ADAMTSL1: variants seen among roughly 807,000 people sequenced by gnomAD.
ADAMTSL1 encodes the protein ADAMTS like 1.
ADAMTSL1 carries 126 observed loss-of-function variants against 201.8 expected under a neutral mutation model. That is an observed-to-expected ratio of 0.62 (90% confidence interval 0.54 to 0.72). ADAMTSL1 has a LOEUF of 0.72. Ranked by LOEUF, ADAMTSL1 falls within the 30% of genes least tolerant of loss-of-function variation. The pLI is 0.00. For missense variants in ADAMTSL1, 2,679 were observed against 2,277.8 expected, an observed-to-expected ratio of 1.18 and a Z score of -3.59; for synonymous variants, 1,121 against 903.4, an observed-to-expected ratio of 1.24 and a Z score of -4.32.
intron 5 of ADAMTSL1, among the ~76,000 whole-genome samples, chr9:18,624,600 C>G (rs934492127): frequency 1.3e-5 from 2 of 152,074 alleles, no homozygotes; most frequent in African/African-American, 4.8e-5. Flanking sequence ...GGTAAAGGTG[C>G]TTCTTTATTC....
intron 2 of ADAMTSL1, among the ~76,000 whole-genome samples, chr9:18,348,917 T>G (rs537370376): frequency 6.6e-6 from 1 of 152,214 alleles, no homozygotes; most frequent in Non-Finnish European, 1.5e-5. Flanking sequence ...TGAACGTGTA[T>G]TGCCAGTCAT....
intron 2 of ADAMTSL1, among the ~76,000 whole-genome samples, chr9:18,300,288 AG>A (rs747642099): frequency 1.3e-5 from 2 of 152,238 alleles, no homozygotes; most frequent in Non-Finnish European, 1.5e-5. Flanking sequence ...GCCATAAAAA[AG>A]GATGAGTTTA....
At chr9:18,252,559 A>G (rs1831505583) in intron 2 of ADAMTSL1, among the ~76,000 whole-genome samples, 1 of 152,196 alleles carries the variant, frequency 6.6e-6, no homozygotes, top group Non-Finnish European at 1.5e-5. Flanking sequence ...AACAATTGTT[A>G]TACTATTGTT....
intron 1 of ADAMTSL1, among the ~76,000 whole-genome samples, chr9:17,925,091 A>C (rs1404875409): frequency 2.3e-5 from 2 of 86,306 alleles, no homozygotes; most frequent in African/African-American, 3.9e-5. Context: ...GCAGCCAAAA[A>C]ACACATGAAA....
In ADAMTSL1 at chr9:18,665,636, T is replaced by C. The variant is rs528030807; in HGVS notation, c.1085+3563T>C. On this transcript the variant is annotated intron_variant, in intron 9 of 28. Transcript: ENST00000380548. ...TCTACACATCTGTCTATTTTTTGGT[T>C]CTCATTCTCTTTTCCTTTTGTTCCC... 4.3e-4 allele frequency among the ~76,000 whole-genome samples: 65 copies of C among 152,126 alleles called. 1 individual carries two copies. The highest frequency in any genetic ancestry group is 1.5e-3 in the African/African-American group (61 of 41,504).
At chr9:18,409,039 T>C (rs145381282) in intron 2 of ADAMTSL1, among the ~76,000 whole-genome samples, 7 of 152,162 alleles carry the variant, frequency 4.6e-5, no homozygotes, top group African/African-American at 1.7e-4. Context: ...ATTAGAACTA[T>C]AAGGAATATT....
At chr9:18,369,612 C>G (rs989031962) in intron 2 of ADAMTSL1, among the ~76,000 whole-genome samples, 8 of 152,196 alleles carry the variant, frequency 5.3e-5, no homozygotes, top group African/African-American at 1.9e-4. Context: ...TTAGACCCAT[C>G]TATCCTACTA....
chr9:18,328,202 G>A (rs2132891149), intron 2 of ADAMTSL1, among the ~76,000 whole-genome samples: 1 of 152,290 alleles, frequency 6.6e-6, no homozygotes, highest in African/African-American at 2.4e-5. Context: ...TATCCAATTT[G>A]TTACTTTTCA....
At chr9:18,227,321 C>T (rs1160144926) in intron 2 of ADAMTSL1, among the ~76,000 whole-genome samples, 1 of 151,738 alleles carries the variant, frequency 6.6e-6, no homozygotes, top group Non-Finnish European at 1.5e-5. Flanking sequence ...AATCAGATAC[C>T]CTACCCCAAG....
At chr9:18,495,208 T>G (rs1218145390) in intron 1 of ADAMTSL1, among the ~76,000 whole-genome samples, 3 of 152,172 alleles carry the variant, frequency 2.0e-5, no homozygotes, top group Non-Finnish European at 4.4e-5. Context: ...CTAAAGGTGT[T>G]GCTGACTCAC....
intron 1 of ADAMTSL1, among the ~76,000 whole-genome samples, chr9:17,946,328 T>A (rs2131361981): frequency 6.6e-6 from 1 of 152,144 alleles, no homozygotes; most frequent in South Asian, 2.1e-4. Context: ...GAAAACATAT[T>A]TCGTCAATTG....
At chr9:18,303,148 T>C (rs916275672) in intron 2 of ADAMTSL1, among the ~76,000 whole-genome samples, 2 of 152,196 alleles carry the variant, frequency 1.3e-5, no homozygotes, top group Non-Finnish European at 2.9e-5. Flanking sequence ...ATAATGGAAA[T>C]AGATGCTGAA....
At chr9:18,095,818 C>A (rs1157771646) in intron 1 of ADAMTSL1, among the ~76,000 whole-genome samples, 1 of 152,112 alleles carries the variant, frequency 6.6e-6, no homozygotes, top group Admixed American at 6.6e-5. Flanking sequence ...ATTTAAGAAG[C>A]CCTGGTTTCT....
At chr9:18,263,303 A>G (rs1399994224) in intron 2 of ADAMTSL1, among the ~76,000 whole-genome samples, 1 of 152,118 alleles carries the variant, frequency 6.6e-6, no homozygotes, top group Non-Finnish European at 1.5e-5. Flanking sequence ...ACATTATTGA[A>G]ACTCCAGTCA....
intron 23 of ADAMTSL1, among the ~76,000 whole-genome samples, chr9:18,842,672 G>A (rs1448162613): frequency 2.6e-5 from 4 of 152,110 alleles, no homozygotes; most frequent in African/African-American, 9.7e-5. Flanking sequence ...GGGAGTCTAA[G>A]TCTCTTTGTA....
intron 2 of ADAMTSL1, among the ~76,000 whole-genome samples, chr9:18,319,259 A>G (rs1359868581): frequency 1.3e-5 from 2 of 152,202 alleles, no homozygotes; most frequent in Non-Finnish European, 2.9e-5. Flanking sequence ...CATGCCTTTA[A>G]TAACACATAA....
At position 18,151,619 on chromosome 9, in the gene ADAMTSL1, G is replaced by C. The variant is rs76932443; in HGVS notation, c.88-12243G>C. On this transcript the variant is annotated intron_variant, in intron 1 of 29. Transcript: ENST00000680146. ...AACACAGTAGACATCCTAAGTTTAA[G>C]ATACTTGTTCTTGGCCTTGCAGCAT... Among the ~76,000 whole-genome samples, 4 of 151,802 alleles carry C rather than the reference G, an allele frequency of 2.6e-5. No homozygotes were observed. In the South Asian group the frequency reaches 8.3e-4, roughly 32 times the overall value.
chr9:18,887,815 TTTCCTCTCC>T lies in ADAMTSL1; in HGVS notation c.4250-12_4250-4del. On this transcript the variant is annotated splice_region_variant and splice_polypyrimidine_tract_variant and intron_variant, in intron 23 of 28. Transcript: ENST00000380548. ...TATGGCTTTACTAAGGCTTACTTCTTTTCCTCTCCTTCTAGGCTGCCCCATCAAAGGTCA... is the reference window on the plus strand; with the variant it reads ...TATGGCTTTACTAAGGCTTACTTCTTTTCTAGGCTGCCCCATCAAAGGTCA... 1.9e-6 allele frequency: 3 copies of T among 1,609,128 alleles called. No individual in the cohort carries two copies. The highest frequency in any genetic ancestry group is 2.5e-6 in the Non-Finnish European group (3 of 1,176,560).
chr9:18,256,445 C>G (rs991916197), intron 2 of ADAMTSL1, among the ~76,000 whole-genome samples: 1 of 152,120 alleles, frequency 6.6e-6, no homozygotes, highest in African/African-American at 2.4e-5. Flanking sequence ...CCAATGAACC[C>G]TGAGGTTGGA....
Sources: gnomAD v4.1 joint callset for allele counts (sites outside exome capture counted in the v4.1 genomes callset) on GRCh38, gnomAD v4.1.1 for gene constraint, MANE v1.5 for transcripts, NCBI Gene and HGNC (gene_info 2026-07-23, HGNC 2026-07-21) for gene names.